The following DENND1A variants were observed in gnomAD, a reference collection of about 807,000 sequenced individuals.
DENND1A encodes DENN domain containing 1A.
A neutral mutation model predicts 113.7 loss-of-function variants in DENND1A; 51 were observed. The observed-to-expected ratio is 0.45, with a 90% CI of 0.36 to 0.57. The LOEUF (loss-of-function observed/expected upper bound fraction) is 0.57, where lower values mean the gene tolerates loss of function less well. Ranked by LOEUF, DENND1A falls within the 20% of genes least tolerant of loss-of-function variation. The pLI, the probability that DENND1A is intolerant of heterozygous loss-of-function variation, is 0.00. For synonymous variants in DENND1A, 565 were observed against 570.8 expected (o/e 0.99, Z 0.14); for missense variants, 1,258 against 1,395.9 (o/e 0.90, Z 1.57).
intron 13 of DENND1A, among the ~76,000 whole-genome samples, chr9:123,466,303 T>G (rs763102388): frequency 2.6e-5 from 4 of 151,830 alleles, no homozygotes; most frequent in Non-Finnish European, 5.9e-5. Flanking sequence ...GCCTTTTTAT[T>G]TATTTATTTT....
At chr9:123,392,945 A>G (rs2042932244) in intron 21 of DENND1A, among the ~76,000 whole-genome samples, 1 of 152,198 alleles carries the variant, frequency 6.6e-6, no homozygotes, top group South Asian at 2.1e-4. Context: ...TACTTCACTG[A>G]GAATAAGAGT....
chr9:123,459,986 C>A (rs963994007), intron 13 of DENND1A, among the ~76,000 whole-genome samples: 1 of 152,080 alleles, frequency 6.6e-6, no homozygotes, highest in Non-Finnish European at 1.5e-5. Flanking sequence ...GCATCTAAAA[C>A]AACAAAGAAA....
chr9:123,658,217 T>G (rs1361046666), intron 8 of DENND1A, among the ~76,000 whole-genome samples: 1 of 152,146 alleles, frequency 6.6e-6, no homozygotes, highest in African/African-American at 2.4e-5. Flanking sequence ...ACGAGATAAT[T>G]AAGACAGGTT....
chr9:123,427,531 C>T (rs1289230771), intron 19 of DENND1A, among the ~76,000 whole-genome samples: 2 of 152,160 alleles, frequency 1.3e-5, no homozygotes, highest in South Asian at 4.1e-4. Flanking sequence ...CCTCCTCTAT[C>T]TGGTGCCCTG....
At chr9:123,549,953 G>GT (rs1452858119) in intron 13 of DENND1A, among the ~76,000 whole-genome samples, 1 of 152,144 alleles carries the variant, frequency 6.6e-6, no homozygotes, top group Non-Finnish European at 1.5e-5. Flanking sequence ...AGTTTTTATT[G>GT]TTTTTTCATA....
intron 1 of DENND1A, among the ~76,000 whole-genome samples, chr9:123,880,793 G>C (rs1310186261): frequency 3.3e-5 from 5 of 152,082 alleles, no homozygotes; most frequent in Non-Finnish European, 5.9e-5. Flanking sequence ...TATTTCACTC[G>C]ATTCTAGAAT....
Position 123,629,285 on chromosome 9 carries a change from G to A in DENND1A, c.719+1091C>T, listed in dbSNP as rs530584399. Among the ~76,000 whole-genome samples the A allele has an allele frequency of 5.3e-5, 8 of 152,306 alleles. No homozygotes were observed. The East Asian group carries it at 9.6e-4, about 18-fold the overall frequency. ...TCCTGAAGCTCTCAATATCCGGCAC[G>A]CAGTTAGTGCCTTTCCCTGTCTGTG... On this transcript the variant is annotated intron_variant, in intron 10 of 23. Transcript: ENST00000394215.
chr9:123,725,140 T>C (rs1254289737), intron 5 of DENND1A, among the ~76,000 whole-genome samples: 4 of 152,228 alleles, frequency 2.6e-5, no homozygotes. Flanking sequence ...CTTCACTAAT[T>C]GTTAAAGCTT....
chr9:123,448,591 TG>T (rs2047480402), intron 18 of DENND1A, among the ~76,000 whole-genome samples: 1 of 152,176 alleles, frequency 6.6e-6, no homozygotes, highest in Admixed American at 6.5e-5. Context: ...TACATGCAAC[TG>T]GGATGGGAGA....
intron 5 of DENND1A, among the ~76,000 whole-genome samples, chr9:123,750,626 T>C (rs1285063262): frequency 1.3e-5 from 2 of 152,138 alleles, no homozygotes; most frequent in Non-Finnish European, 2.9e-5. Flanking sequence ...CAACACAGTA[T>C]CCAGCTTACT....
intron 5 of DENND1A, among the ~76,000 whole-genome samples, chr9:123,728,498 A>AAAAAAAAC (rs2067901594): frequency 6.9e-6 from 1 of 145,694 alleles, no homozygotes; most frequent in African/African-American, 2.7e-5. Flanking sequence ...AAAAAAAAAA[A>AAAAAAAAC]AAAAAAAAAA....
chr9:123,833,389 G>GA lies in DENND1A; in HGVS notation c.89-40760dup, dbSNP rs367929024. 1.0e-3 allele frequency among the ~76,000 whole-genome samples: 158 copies of GA among 151,776 alleles called. 1 individual carries two copies. Among genetic ancestry groups the GA allele is most frequent in the Middle Eastern group, 6.8e-3 (2 of 294 alleles). ...ACATAAAAACAAAAACAAATAGCTGGAAAAAAAATCAGAATTTTACACTTT... is the reference window on the plus strand; with the variant it reads ...ACATAAAAACAAAAACAAATAGCTGGAAAAAAAAATCAGAATTTTACACTTT... On this transcript the variant is annotated intron_variant, in intron 2 of 23. Transcript: ENST00000394215.
At chr9:123,502,141 T>C (rs1417812456) in intron 13 of DENND1A, among the ~76,000 whole-genome samples, 1 of 152,102 alleles carries the variant, frequency 6.6e-6, no homozygotes, top group African/African-American at 2.4e-5. Context: ...ATATATCTCC[T>C]GTTAGTTCTG....
intron 13 of DENND1A, among the ~76,000 whole-genome samples, chr9:123,504,541 C>A (rs2052754556): frequency 6.6e-6 from 1 of 152,204 alleles, no homozygotes; most frequent in Non-Finnish European, 1.5e-5. Context: ...TTTTTCATTT[C>A]TCAGAATATA....
intron 2 of DENND1A, among the ~76,000 whole-genome samples, chr9:123,800,215 C>A (rs1412728615): frequency 6.6e-6 from 1 of 152,124 alleles, no homozygotes; most frequent in Non-Finnish European, 1.5e-5. Context: ...TTACAGAAAC[C>A]CTGAGGTGAA....
At chr9:123,804,695 T>A (rs528537473) in intron 2 of DENND1A, among the ~76,000 whole-genome samples, 6 of 152,296 alleles carry the variant, frequency 3.9e-5, no homozygotes, top group Admixed American at 3.3e-4. Context: ...TTCTCTCACA[T>A]CCCAGAGCCA....
In DENND1A at chr9:123,925,012, G is replaced by A. The variant is rs115949180; in HGVS notation, c.17+4877C>T. On this transcript the variant is annotated intron_variant, in intron 1 of 23. Transcript: ENST00000394215. ...CCACTCTATCTAAAATAGGACAGTCGCTCCCATCATTTTCTCTGAGGCAAC... is the reference window on the plus strand; with the variant it reads ...CCACTCTATCTAAAATAGGACAGTCACTCCCATCATTTTCTCTGAGGCAAC... 9.1e-4 allele frequency among the ~76,000 whole-genome samples: 139 copies of A among 152,136 alleles called. 1 individual carries two copies. Among genetic ancestry groups the A allele is most frequent in the African/African-American group, 3.2e-3 (132 of 41,500 alleles).
At chr9:123,554,980 T>C (rs1039952149) in intron 13 of DENND1A, among the ~76,000 whole-genome samples, 4 of 152,228 alleles carry the variant, frequency 2.6e-5, no homozygotes, top group Admixed American at 6.5e-5. Flanking sequence ...ACATGGATAC[T>C]CAGTATACTC....
chr9:123,517,286 C>T (rs974042342), intron 13 of DENND1A, among the ~76,000 whole-genome samples: 1 of 150,092 alleles, frequency 6.7e-6, no homozygotes, highest in Admixed American at 6.7e-5. Context: ...CACAAAACCC[C>T]CCCCAAAAAA....
Sources: allele counts gnomAD v4.1 joint callset (sites outside exome capture counted in the v4.1 genomes callset), GRCh38; gene constraint gnomAD v4.1.1; transcripts MANE v1.5; gene names NCBI Gene and HGNC (gene_info 2026-07-23, HGNC 2026-07-21).